B4GALT6: variants seen among roughly 807,000 people sequenced by gnomAD.
B4GALT6 encodes UDP-Gal:beta-GlcNAc beta-1,4-galactosyltransferase 6.
A neutral mutation model predicts 46.3 loss-of-function variants in B4GALT6; 14 were observed. The observed-to-expected ratio is 0.30, with a 90% CI of 0.20 to 0.47. The LOEUF is 0.47. Ranked by LOEUF, B4GALT6 falls within the 20% of genes least tolerant of loss-of-function variation. The probability of loss-of-function intolerance (pLI) is 0.99; values close to 1 mark genes in which losing one functional copy is unlikely to be tolerated. For missense variants in B4GALT6, 386 were observed against 480.1 expected, an observed-to-expected ratio of 0.80 and a Z score of 1.83; for synonymous variants, 168 against 162.0, an observed-to-expected ratio of 1.04 and a Z score of -0.28.
the B4GALT6 span, among the ~76,000 whole-genome samples, chr18:31,711,448 C>T: frequency 6.6e-6 from 1 of 151,820 alleles, no homozygotes; most frequent in East Asian, 1.9e-4. Flanking sequence ...TCTTGCTGTC[C>T]CCCTCTTTGT....
chr18:31,707,453 C>T, the B4GALT6 span, among the ~76,000 whole-genome samples: 1 of 151,904 alleles, frequency 6.6e-6, no homozygotes, highest in African/African-American at 2.4e-5. Flanking sequence ...CGAGTTGTAG[C>T]TTTTGCCACA....
chr18:31,638,458 C>T (rs1212211032), intron 5 of B4GALT6, among the ~76,000 whole-genome samples, 186 bp downstream of exon 5: 7 of 152,088 alleles, frequency 4.6e-5, no homozygotes, highest in South Asian at 2.1e-4. Context: ...ACCTGGGGGG[C>T]GGAGCTTGCA....
the B4GALT6 span, among the ~76,000 whole-genome samples, chr18:31,723,104 T>C: frequency 6.6e-6 from 1 of 152,230 alleles, no homozygotes; most frequent in South Asian, 2.1e-4. Flanking sequence ...AATTTAAACA[T>C]ATAATTTAGC....
chr18:31,689,304 G>T (rs992639028), upstream of B4GALT6, among the ~76,000 whole-genome samples: 16 of 152,174 alleles, frequency 1.1e-4, no homozygotes, highest in African/African-American at 3.9e-4. Flanking sequence ...ACAGAAATGA[G>T]AATTTGTTCA....
chr18:31,710,105 AAAAG>A, the B4GALT6 span, among the ~76,000 whole-genome samples: 19 of 151,872 alleles, frequency 1.3e-4, no homozygotes, highest in Admixed American at 2.6e-4. Context: ...AAAAAAAAAA[AAAAG>A]AAAAGAAAAA....
chr18:31,685,973 C>G (rs2029903237), upstream of B4GALT6: 1 of 152,282 alleles, frequency 6.6e-6, no homozygotes, highest in South Asian at 2.1e-4. Context: ...GCTGCAAAGG[C>G]TTCTGGGCAG....
At chr18:31,638,322 T>C (rs1037650795) in intron 5 of B4GALT6, among the ~76,000 whole-genome samples, 1 of 151,902 alleles carries the variant, frequency 6.6e-6, no homozygotes, top group African/African-American at 2.4e-5. Context: ...GATCAGGAGA[T>C]CAAGACCATC....
chr18:31,626,651 T>C (rs2073702549), intron 7 of B4GALT6, among the ~76,000 whole-genome samples: 1 of 152,040 alleles, frequency 6.6e-6, no homozygotes. Context: ...AAACTGCACA[T>C]GTGAGGGATC....
the B4GALT6 span, among the ~76,000 whole-genome samples, chr18:31,717,080 AC>A: frequency 2.0e-4 from 31 of 152,168 alleles, no homozygotes; most frequent in East Asian, 2.9e-3. Flanking sequence ...TCCAGCCTGG[AC>A]GACAGAGTGA....
chr18:31,632,273 C>T (rs1056530725), intron 5 of B4GALT6, among the ~76,000 whole-genome samples: 1 of 151,986 alleles, frequency 6.6e-6, no homozygotes, highest in Non-Finnish European at 1.5e-5. Flanking sequence ...TTTTTTACAG[C>T]CTCTTTTTTC....
chr18:31,642,741 T>A (rs2073945192), intron 4 of B4GALT6, among the ~76,000 whole-genome samples: 1 of 152,216 alleles, frequency 6.6e-6, no homozygotes, highest in African/African-American at 2.4e-5. Flanking sequence ...TGGAGCGCAG[T>A]GGGCGCGATC....
intron 5 of B4GALT6, among the ~76,000 whole-genome samples, chr18:31,632,822 A>G (rs1335956490): frequency 6.6e-6 from 1 of 152,202 alleles, no homozygotes; most frequent in Non-Finnish European, 1.5e-5. Flanking sequence ...GGCCCAAGAA[A>G]TATGCCCTAC....
At chr18:31,700,609 T>C in the B4GALT6 span, among the ~76,000 whole-genome samples, 2 of 152,008 alleles carry the variant, frequency 1.3e-5, no homozygotes, top group Non-Finnish European at 2.9e-5. Context: ...GGTGCCTGCC[T>C]CCACACCTGG....
intron 3 of B4GALT6, among the ~76,000 whole-genome samples, chr18:31,646,132 A>G (rs992096097): frequency 1.3e-5 from 2 of 152,228 alleles, no homozygotes; most frequent in Non-Finnish European, 2.9e-5. Flanking sequence ...TAAGAGAGGG[A>G]ATTTGCAAAC....
chr18:31,635,632 C>A (rs547693703), intron 5 of B4GALT6, among the ~76,000 whole-genome samples: 1 of 152,206 alleles, frequency 6.6e-6, no homozygotes, highest in East Asian at 1.9e-4. Context: ...GAAACTATAA[C>A]CATTTTAGGA....
chr18:31,650,763 A>T (rs2074054423), intron 3 of B4GALT6, among the ~76,000 whole-genome samples: 1 of 152,186 alleles, frequency 6.6e-6, no homozygotes, highest in African/African-American at 2.4e-5. Flanking sequence ...CATTTTTAAC[A>T]GGTATCCCAG....
the B4GALT6 span, among the ~76,000 whole-genome samples, chr18:31,698,456 C>G: frequency 6.6e-6 from 1 of 151,884 alleles, no homozygotes. Flanking sequence ...ATAGTGAAAC[C>G]CTGTCTCTAC....
upstream of B4GALT6, among the ~76,000 whole-genome samples, chr18:31,687,382 C>A (rs2029964733): frequency 6.6e-6 from 1 of 152,184 alleles, no homozygotes; most frequent in Admixed American, 6.5e-5. Context: ...CACCAAATTT[C>A]CTAGTGGGTC....
At chr18:31,663,816 CTG>C (rs997428452) in intron 2 of B4GALT6, among the ~76,000 whole-genome samples, 2 of 152,320 alleles carry the variant, frequency 1.3e-5, no homozygotes, top group African/African-American at 4.8e-5. Context: ...TTAAAGGAGA[CTG>C]TTTTTCTTAA....
Sources: allele counts gnomAD v4.1 joint callset (sites outside exome capture counted in the v4.1 genomes callset), GRCh38; gene constraint gnomAD v4.1.1; transcripts MANE v1.5; gene names NCBI Gene and HGNC (gene_info 2026-07-23, HGNC 2026-07-21).